Variants in ANO5 observed in about 807,000 individuals in gnomAD.
ANO5 encodes anoctamin-5.
Under a neutral mutation model 121.0 loss-of-function variants are expected in ANO5, and 109 were observed. The observed-to-expected ratio is 0.90, with a 90% confidence interval of 0.77 to 1.06. The LOEUF (loss-of-function observed/expected upper bound fraction) is 1.06. Among genes scored for constraint, ANO5 ranks in the 50% least tolerant of loss-of-function variants. The pLI is 0.00. For missense variants in ANO5, 1,064 were observed against 1,078.5 expected (o/e 0.99, Z 0.19); for synonymous variants, 406 against 359.9 (o/e 1.13, Z -1.45).
At chr11:22,206,055 T>A (rs1852111075) in intron 2 of ANO5, among the ~76,000 whole-genome samples, 1 of 152,116 alleles carries the variant, frequency 6.6e-6, no homozygotes, top group Admixed American at 6.6e-5. Flanking sequence ...GAATTAACAT[T>A]AATTTTATAC....
intron 1 of ANO5, among the ~76,000 whole-genome samples, chr11:22,202,977 T>G (rs4565894): frequency 0.83 from 125,668 of 152,028 alleles, 52,458 homozygotes; most frequent in African/African-American, 0.93. Flanking sequence ...ACATGAATTT[T>G]GGTGTAGGAG....
Position 22,200,907 on chromosome 11 carries a change from T to C in ANO5, c.41-2897T>C, listed in dbSNP as rs201997278. Among the ~76,000 whole-genome samples the C allele has an allele frequency of 2.6e-5, 4 of 152,258 alleles. No individual in the cohort carries two copies. In the East Asian group the frequency reaches 5.8e-4, roughly 22 times the overall value. On this transcript the variant is annotated intron_variant, in intron 1 of 21. Coordinates refer to ENST00000324559, the MANE Select transcript of ANO5 (RefSeq NM_213599.3). ...GGGTGTGTTTTGTATGGGTGTGTTA[T>C]GTATGTGTGTGAGTACTGTTGTCTC...
chr11:22,260,650 T>A (rs556712494), intron 15 of ANO5, among the ~76,000 whole-genome samples: 1 of 152,302 alleles, frequency 6.6e-6, no homozygotes, highest in South Asian at 2.1e-4. Flanking sequence ...AAAAATCAAG[T>A]TCACATTACA....
intron 1 of ANO5, among the ~76,000 whole-genome samples, chr11:22,201,654 C>G (rs1198922724): frequency 6.6e-6 from 1 of 152,100 alleles, no homozygotes; most frequent in Non-Finnish European, 1.5e-5. Flanking sequence ...CTGGTGAGCC[C>G]CTTCTTGCTG....
chr11:22,259,545 A>C lies in ANO5; in HGVS notation c.1434A>C (p.Val478=), dbSNP rs886044360. 46 of 1,614,026 alleles carry C rather than the reference A, an allele frequency of 2.9e-5. No homozygotes were observed. Among genetic ancestry groups the C allele is most frequent in the Non-Finnish European group, 3.8e-5 (45 of 1,180,014 alleles). ...LWMSLVVTSM[V]AVIVYRLSVF... ...TGTCTCTTGTCGTCACCAGTATGGT[A>C]GCTGTAATTGTGTACCGCCTGTCAG... is the stretch of plus-strand genomic sequence containing the variant. The change falls in exon 15 of 22, where the codon GTA becomes GTC. Residue 478 remains valine (V), a synonymous_variant. Transcript: ENST00000324559.
At chr11:22,243,781 T>A (rs1383885907) in intron 9 of ANO5, among the ~76,000 whole-genome samples, 2 of 152,218 alleles carry the variant, frequency 1.3e-5, no homozygotes, top group Non-Finnish European at 2.9e-5. Context: ...TCATTTCTCA[T>A]TGGACTTATT....
intron 7 of ANO5, among the ~76,000 whole-genome samples, chr11:22,228,999 A>T (rs975991261): frequency 2.0e-5 from 3 of 151,946 alleles, no homozygotes; most frequent in Non-Finnish European, 4.4e-5. Context: ...TATACCCAGT[A>T]ATGGGATTGC....
rs34022294 is a variant in ANO5 at position 22,274,163 on chromosome 11, TACACAC to T, written c.2236-381_2236-376del. On this transcript the variant is annotated intron_variant, in intron 19 of 21. Transcript: ENST00000324559. ...CTTCATTCCTTTCCTGTTAATCTCT[TACACAC>T]ACACACACACACACACACACACACC... is the stretch of plus-strand genomic sequence containing the variant. 3.3e-3 allele frequency among the ~76,000 whole-genome samples: 481 copies of T among 143,838 alleles called. 1 individual carries two copies. The highest frequency in any genetic ancestry group is 0.011 in the Middle Eastern group (3 of 280). 94.4% of individuals were successfully genotyped at this position (143,838 alleles called of 152,430 possible). A position where few individuals can be genotyped will look rare whatever the true frequency, so the allele number is the denominator to read the frequency against.
At chr11:22,213,201 G>T (rs920645753) in intron 3 of ANO5, among the ~76,000 whole-genome samples, 9 of 151,824 alleles carry the variant, frequency 5.9e-5, no homozygotes, top group Admixed American at 2.6e-4. Flanking sequence ...AACCTATATT[G>T]GTGCATTATT....
At chr11:22,218,337 G>A (rs1240769672) in intron 4 of ANO5, 50 bp downstream of exon 4, 36 of 1,602,606 alleles carry the variant, frequency 2.2e-5, no homozygotes, top group Non-Finnish European at 3.0e-5. Flanking sequence ...GGCTGCAGTG[G>A]TAGCCTTAGT....
At chr11:22,248,320 A>G (rs1389655903) in intron 9 of ANO5, among the ~76,000 whole-genome samples, 1 of 152,054 alleles carries the variant, frequency 6.6e-6, no homozygotes, top group Non-Finnish European at 1.5e-5. Flanking sequence ...ATAGATTTAA[A>G]TATATGGCAT....
intron 9 of ANO5, among the ~76,000 whole-genome samples, chr11:22,243,294 T>C (rs1263224105): frequency 6.6e-6 from 1 of 152,212 alleles, no homozygotes; most frequent in African/African-American, 2.4e-5. Context: ...AACTTTTTGA[T>C]GTGCTCCTGG....
At chr11:22,266,474 T>C (rs1793363356) in intron 17 of ANO5, among the ~76,000 whole-genome samples, 1 of 152,200 alleles carries the variant, frequency 6.6e-6, no homozygotes. Flanking sequence ...CAACTGGGGG[T>C]TATAAATGAT....
chr11:22,219,105 T>A (rs917668445), intron 4 of ANO5, among the ~76,000 whole-genome samples: 1 of 152,112 alleles, frequency 6.6e-6, no homozygotes, highest in Non-Finnish European at 1.5e-5. Flanking sequence ...CCTTAACTGA[T>A]TTTTATTAGT....
chr11:22,264,428 G>A (rs1404455143), intron 17 of ANO5, among the ~76,000 whole-genome samples: 1 of 151,308 alleles, frequency 6.6e-6, no homozygotes, highest in Non-Finnish European at 1.5e-5. Flanking sequence ...TATACACAGA[G>A]AGGGAGAGAG....
At chr11:22,203,748 A>T in intron 1 of ANO5, 56 bp from the exon 2 acceptor site, 1 of 1,109,516 alleles carries the variant, frequency 9.0e-7, no homozygotes, top group Non-Finnish European at 1.3e-6. Context: ...AGACTTTTGA[A>T]TATGTTCTGA....
rs536701456 is a variant in ANO5, at chr11:22,220,204, C to T, written c.181-893C>T. Reference sequence around the variant, plus strand: ...TTAAAACCATATAGTTACTCATTCGCAGGTGAGCTAAAGCAATTGGAAAAC... The same window carrying T: ...TTAAAACCATATAGTTACTCATTCGTAGGTGAGCTAAAGCAATTGGAAAAC... On this transcript the variant is annotated intron_variant, in intron 4 of 21. Transcript: ENST00000324559. Among the ~76,000 whole-genome samples the T allele has an allele frequency of 1.6e-4, 25 of 152,114 alleles. No homozygotes were observed. In the East Asian group the frequency reaches 3.5e-3, roughly 21 times the overall value.
At chr11:22,193,803 C>T (rs965563946) in intron 1 of ANO5, among the ~76,000 whole-genome samples, 1 of 152,162 alleles carries the variant, frequency 6.6e-6, no homozygotes, top group Non-Finnish European at 1.5e-5. Context: ...TCCGGAACAC[C>T]CTCCTTGCTC....
At chr11:22,269,159 G>A (rs1334519023) in intron 17 of ANO5, among the ~76,000 whole-genome samples, 1 of 149,896 alleles carries the variant, frequency 6.7e-6, no homozygotes, top group African/African-American at 2.5e-5. Context: ...AAAGGAAAGG[G>A]AAGGGATGGG....
Sources: gnomAD v4.1 joint callset for allele counts (sites outside exome capture counted in the v4.1 genomes callset) on GRCh38, gnomAD v4.1.1 for gene constraint, MANE v1.5 for transcripts, NCBI Gene and HGNC (gene_info 2026-07-23, HGNC 2026-07-21) for gene names.